The following CUX2 variants were observed in gnomAD, a reference collection of about 807,000 sequenced individuals.
CUX2 encodes homeobox protein cut-like 2.
A neutral mutation model predicts 144.8 loss-of-function variants in CUX2; 40 were observed. The ratio of observed to expected loss-of-function variants is 0.28; its 90% CI spans 0.21 to 0.36. The LOEUF (loss-of-function observed/expected upper bound fraction) is 0.36, where lower values mean the gene tolerates loss of function less well. CUX2 is among the 10% of genes least tolerant of loss of function. The pLI is 1.00. For missense variants in CUX2, 1,615 were observed against 1,994.0 expected (o/e 0.81, Z 3.62); for synonymous variants, 827 against 875.6 (o/e 0.94, Z 0.98).
At chr12:111,216,500 G>A (rs1034942660) in intron 2 of CUX2, among the ~76,000 whole-genome samples, 6 of 152,138 alleles carry the variant, frequency 3.9e-5, no homozygotes, top group Non-Finnish European at 8.8e-5. Flanking sequence ...CTGGATTTCC[G>A]GTGCCTTTTG....
At chr12:111,132,267 G>A (rs1875536372) in intron 1 of CUX2, among the ~76,000 whole-genome samples, 1 of 152,150 alleles carries the variant, frequency 6.6e-6, no homozygotes, top group South Asian at 2.1e-4. Context: ...GGAGCAGCTG[G>A]GACACAGGGC....
At chr12:111,172,800 C>T (rs1878627949) in intron 1 of CUX2, among the ~76,000 whole-genome samples, 2 of 152,174 alleles carry the variant, frequency 1.3e-5, no homozygotes, top group Non-Finnish European at 1.5e-5. Flanking sequence ...GAACTGATAT[C>T]GTTTGGAAAA....
At chr12:111,163,329 C>T (rs1031963254) in intron 1 of CUX2, among the ~76,000 whole-genome samples, 3 of 152,196 alleles carry the variant, frequency 2.0e-5, no homozygotes, top group Admixed American at 1.3e-4. Flanking sequence ...CTTTACAGGC[C>T]GCATGGTCTG....
chr12:111,056,312 C>A (rs1027860660), intron 1 of CUX2, among the ~76,000 whole-genome samples: 9 of 152,220 alleles, frequency 5.9e-5, no homozygotes, highest in African/African-American at 2.2e-4. Flanking sequence ...ATACCTGATT[C>A]TGTGGGCTGG....
chr12:111,185,987 CTCTG>C (rs1040795183), intron 1 of CUX2, among the ~76,000 whole-genome samples: 4 of 151,922 alleles, frequency 2.6e-5, no homozygotes, highest in African/African-American at 7.2e-5. Context: ...TTCTGTATTT[CTCTG>C]TCTTTCACTC....
intron 1 of CUX2, among the ~76,000 whole-genome samples, chr12:111,198,102 T>C (rs938966549): frequency 6.6e-6 from 1 of 152,230 alleles, no homozygotes; most frequent in Admixed American, 6.5e-5. Context: ...AAATATTCTT[T>C]AGTTATCAAA....
At chr12:111,170,909 C>T (rs540941756) in intron 1 of CUX2, among the ~76,000 whole-genome samples, 5 of 152,164 alleles carry the variant, frequency 3.3e-5, no homozygotes, top group Non-Finnish European at 7.4e-5. Context: ...GGGAGTGTCT[C>T]CTGGGAAGCG....
intron 1 of CUX2, among the ~76,000 whole-genome samples, chr12:111,087,912 AC>A (rs1313801194): frequency 6.6e-6 from 1 of 152,234 alleles, no homozygotes; most frequent in Admixed American, 6.5e-5. Context: ...GATGTCCTTC[AC>A]CAGGCCAGTG....
rs941557087 is a variant in CUX2, at chr12:111,061,215, C to G, written c.63+26975C>G. Among the ~76,000 whole-genome samples, 6 of 150,566 alleles carry G rather than the reference C, an allele frequency of 4.0e-5. No homozygotes were observed. Among genetic ancestry groups the G allele is most frequent in the South Asian group, 2.1e-4 (1 of 4,782 alleles). On this transcript the variant is annotated intron_variant, in intron 1 of 21. Coordinates refer to ENST00000261726, the MANE Select transcript of CUX2 (RefSeq NM_015267.4). The surrounding 1 kb of genome is among the most constrained non-coding windows in gnomAD (Gnocchi z 4.2). ...ACACACACACACACACACACACACA[C>G]AGCAAGGAGGATGCCTGGCTTTCTG...
rs536026019 is a variant in CUX2 at position 111,140,600 on chromosome 12, C to T, written c.64-73600C>T. Among the ~76,000 whole-genome samples the T allele has an allele frequency of 8.5e-5, 13 of 152,236 alleles. No homozygotes were observed. The East Asian group carries it at 1.4e-3, about 16-fold the overall frequency. On this transcript the variant is annotated intron_variant, in intron 1 of 21. Coordinates refer to ENST00000261726, the MANE Select transcript of CUX2 (RefSeq NM_015267.4). Reference sequence around the variant, plus strand: ...CCACTAGATGTTCTCCATTTACACGCGAAACTGGAAAAAAGCAGCAGCTAA... The same window carrying T: ...CCACTAGATGTTCTCCATTTACACGTGAAACTGGAAAAAAGCAGCAGCTAA...
chr12:111,276,242 A>G (rs1884867437), intron 4 of CUX2, among the ~76,000 whole-genome samples: 1 of 152,096 alleles, frequency 6.6e-6, no homozygotes, highest in South Asian at 2.1e-4. Flanking sequence ...AGTCCTAGCT[A>G]CTTGGGGAGG....
At position 111,068,663 on chromosome 12, in the gene CUX2, G is replaced by A. The variant is rs1204498136; in HGVS notation, c.63+34423G>A. On this transcript the variant is annotated intron_variant, in intron 1 of 21. Transcript: ENST00000261726. The surrounding 1 kb of genome is among the most constrained non-coding windows in gnomAD (Gnocchi z 4.9). ...AGTGCCTTTGTAGCTCACCTGCTCTGCCTTGCGTGGTTCAACTCCGCCCCC... is the reference window on the plus strand; with the variant it reads ...AGTGCCTTTGTAGCTCACCTGCTCTACCTTGCGTGGTTCAACTCCGCCCCC... Among the ~76,000 whole-genome samples, 1 of 152,208 alleles carries A rather than the reference G, an allele frequency of 6.6e-6. No individual in the cohort carries two copies. Among genetic ancestry groups the A allele is most frequent in the Non-Finnish European group, 1.5e-5 (1 of 68,036 alleles).
At chr12:111,144,133 A>G (rs1478977995) in intron 1 of CUX2, among the ~76,000 whole-genome samples, 1 of 152,118 alleles carries the variant, frequency 6.6e-6, no homozygotes, top group Non-Finnish European at 1.5e-5. Context: ...TGAGGTCTTT[A>G]AAGGCCAGGC....
intron 20 of CUX2, 37 bp from the exon 21 acceptor site, chr12:111,341,743 C>T (rs369416630): frequency 9.1e-6 from 14 of 1,535,988 alleles, no homozygotes; most frequent in Non-Finnish European, 1.1e-5. Context: ...GGGATGGGGA[C>T]ACCACCTCTC....
At chr12:111,117,166 A>T (rs1285177151) in intron 1 of CUX2, among the ~76,000 whole-genome samples, 1 of 152,238 alleles carries the variant, frequency 6.6e-6, no homozygotes, top group Non-Finnish European at 1.5e-5. Flanking sequence ...AATTCCACTC[A>T]TTGAGCAATG....
chr12:111,168,101 T>C (rs1027252149), intron 1 of CUX2, among the ~76,000 whole-genome samples: 8 of 152,180 alleles, frequency 5.3e-5, no homozygotes, highest in Admixed American at 1.3e-4. Flanking sequence ...GGAGCCAAGC[T>C]GGCTGGAGTG....
At chr12:111,269,146 G>C (rs1037840300) in intron 4 of CUX2, among the ~76,000 whole-genome samples, 2 of 152,280 alleles carry the variant, frequency 1.3e-5, no homozygotes, top group Middle Eastern at 3.4e-3. Flanking sequence ...GTATACAGCA[G>C]GTGCTTACTA....
intron 1 of CUX2, among the ~76,000 whole-genome samples, chr12:111,115,871 A>G (rs1235902045): frequency 2.0e-5 from 3 of 152,238 alleles, no homozygotes; most frequent in Non-Finnish European, 4.4e-5. Context: ...CCTTGTTCAC[A>G]GACTAGCACA....
intron 1 of CUX2, among the ~76,000 whole-genome samples, chr12:111,075,098 C>T (rs924428078): frequency 6.6e-6 from 1 of 151,896 alleles, no homozygotes; most frequent in African/African-American, 2.4e-5. Flanking sequence ...CCCCACCCCC[C>T]ACCACCCAGC....
Sources: gnomAD v4.1 joint callset for allele counts (sites outside exome capture counted in the v4.1 genomes callset) on GRCh38, gnomAD v4.1.1 for gene constraint, Gnocchi (gnomAD v3.1) non-coding constraint, MANE v1.5 for transcripts, NCBI Gene and HGNC (gene_info 2026-07-23, HGNC 2026-07-21) for gene names.